The following RGS7 variants were observed in gnomAD, a reference collection of about 807,000 sequenced individuals.
The protein encoded by RGS7 is regulator of G protein signaling 7, also known as regulator of G-protein signaling 7.
RGS7 carries 27 observed loss-of-function variants against 81.1 expected under a neutral mutation model. That is an observed-to-expected ratio of 0.33 (90% CI 0.25 to 0.46). The LOEUF (loss-of-function observed/expected upper bound fraction) is 0.46. Among genes scored for constraint, RGS7 ranks in the 20% least tolerant of loss-of-function variants. The pLI, the probability that RGS7 is intolerant of heterozygous loss-of-function variation, is 1.00. For synonymous variants in RGS7, 208 were observed against 207.7 expected (o/e 1.00, Z -0.01); for missense variants, 396 against 607.4 (o/e 0.65, Z 3.66).
chr1:241,351,998 G>C (rs1176467142), intron 2 of RGS7, among the ~76,000 whole-genome samples: 1 of 152,132 alleles, frequency 6.6e-6, no homozygotes, highest in Non-Finnish European at 1.5e-5. Flanking sequence ...TCAAATGCAG[G>C]AATGTCAGCT....
chr1:240,946,538 T>C (rs546747433), intron 4 of RGS7, among the ~76,000 whole-genome samples: 2 of 152,156 alleles, frequency 1.3e-5, no homozygotes, highest in East Asian at 3.9e-4. Context: ...GCCCAGGAAT[T>C]TGAGGTTGCC....
At chr1:241,186,672 C>T (rs1573034896) in intron 2 of RGS7, among the ~76,000 whole-genome samples, 1 of 151,576 alleles carries the variant, frequency 6.6e-6, no homozygotes, top group Admixed American at 6.6e-5. Context: ...TACAGGCATG[C>T]ACCACTACAC....
At chr1:240,932,583 G>A (rs900263843) in intron 5 of RGS7, among the ~76,000 whole-genome samples, 89 of 140,218 alleles carry the variant, frequency 6.3e-4, no homozygotes, top group Non-Finnish European at 6.7e-4. Flanking sequence ...GTCTCAGCTC[G>A]CTGCAAGCTC....
At chr1:240,914,187 A>G (rs547330981) in intron 6 of RGS7, among the ~76,000 whole-genome samples, 1 of 151,996 alleles carries the variant, frequency 6.6e-6, no homozygotes, top group Non-Finnish European at 1.5e-5. Flanking sequence ...CTCATCGATT[A>G]TGATAGCTTT....
Position 240,931,697 on chromosome 1 carries a change from T to A in RGS7, c.334-929A>T, listed in dbSNP as rs184442615. 5.6e-3 allele frequency among the ~76,000 whole-genome samples: 853 copies of A among 152,278 alleles called. 10 individuals carry two copies. The highest frequency in any genetic ancestry group is 0.019 in the African/African-American group (808 of 41,542). On this transcript the variant is annotated intron_variant, in intron 5 of 18. Coordinates refer to ENST00000440928, the MANE Select transcript of RGS7 (RefSeq NM_001364886.1). Reference sequence around the variant, plus strand: ...AACTGCACAAATCAGAGATTTTTTTTAAAGGAATAGTGTCTTAATTGAGTG... The same window carrying A: ...AACTGCACAAATCAGAGATTTTTTTAAAAGGAATAGTGTCTTAATTGAGTG...
At chr1:241,277,941 T>C (rs1277782676) in intron 2 of RGS7, among the ~76,000 whole-genome samples, 1 of 152,220 alleles carries the variant, frequency 6.6e-6, no homozygotes, top group Non-Finnish European at 1.5e-5. Context: ...GTTATTTGAT[T>C]CTCTTCTTCA....
chr1:241,353,770 T>G (rs1057171197), intron 2 of RGS7, among the ~76,000 whole-genome samples: 1 of 152,130 alleles, frequency 6.6e-6, no homozygotes, highest in Non-Finnish European at 1.5e-5. Context: ...CTTCCTGAAA[T>G]CATTACAGTC....
intron 2 of RGS7, among the ~76,000 whole-genome samples, chr1:241,160,117 AAAAAAAAAAAAAAG>A (rs1314600759): frequency 7.9e-4 from 118 of 149,766 alleles, no homozygotes; most frequent in African/African-American, 2.8e-3. Flanking sequence ...TCTCAAAAAA[AAAAAAAAAAAAAAG>A]AAAAAGAAAA....
At chr1:240,975,573 T>C (rs1683947409) in intron 4 of RGS7, among the ~76,000 whole-genome samples, 1 of 152,164 alleles carries the variant, frequency 6.6e-6, no homozygotes, top group African/African-American at 2.4e-5. Flanking sequence ...AGGATGACTC[T>C]TACAGTGAGA....
At chr1:241,054,825 A>T (rs2061405694) in intron 3 of RGS7, among the ~76,000 whole-genome samples, 1 of 152,180 alleles carries the variant, frequency 6.6e-6, no homozygotes, top group South Asian at 2.1e-4. Context: ...ATAAGCCAAC[A>T]TCCTCTTTCT....
chr1:241,062,585 T>C (rs763001951), intron 3 of RGS7, among the ~76,000 whole-genome samples: 4 of 152,154 alleles, frequency 2.6e-5, no homozygotes, highest in Non-Finnish European at 5.9e-5. Flanking sequence ...CTGAAGTAGT[T>C]TTCCCCAGAC....
At chr1:240,959,034 AAAAT>A (rs1680915677) in intron 4 of RGS7, among the ~76,000 whole-genome samples, 1 of 152,254 alleles carries the variant, frequency 6.6e-6, no homozygotes, top group African/African-American at 2.4e-5. Flanking sequence ...ATTTGAACTG[AAAAT>A]AAAGTAAGAA....
chr1:240,790,342 C>G (rs541621062), intron 18 of RGS7, among the ~76,000 whole-genome samples: 32 of 152,084 alleles, frequency 2.1e-4, no homozygotes, highest in Non-Finnish European at 4.3e-4. Context: ...TTTATAGAGA[C>G]CAGATCTATT....
intron 3 of RGS7, among the ~76,000 whole-genome samples, chr1:241,060,224 T>C (rs866637054): frequency 2.0e-5 from 3 of 152,152 alleles, no homozygotes; most frequent in African/African-American, 7.2e-5. Context: ...TATTAAATAG[T>C]ATAGGTAGCA....
intron 2 of RGS7, among the ~76,000 whole-genome samples, chr1:241,172,301 A>G (rs1009390902): frequency 4.6e-5 from 7 of 152,214 alleles, no homozygotes; most frequent in African/African-American, 7.2e-5. Flanking sequence ...ATGCTTTTGG[A>G]TGAATGAACA....
At chr1:240,924,287 CT>C (rs1341012090) in intron 6 of RGS7, among the ~76,000 whole-genome samples, 1 of 152,096 alleles carries the variant, frequency 6.6e-6, no homozygotes, top group African/African-American at 2.4e-5. Flanking sequence ...TTTATTATTA[CT>C]TTAGTATGGT....
At chr1:240,946,400 C>T (rs77718802) in intron 4 of RGS7, among the ~76,000 whole-genome samples, 5,572 of 152,032 alleles carry the variant, frequency 0.037, 168 homozygotes, top group Non-Finnish European at 0.053. Context: ...ACTAGGAGTT[C>T]GAGACCAGCC....
chr1:241,116,849 T>A (rs769653923), intron 2 of RGS7, among the ~76,000 whole-genome samples: 1 of 152,222 alleles, frequency 6.6e-6, no homozygotes. Flanking sequence ...TTGTTAACTA[T>A]AGTCATCTGA....
At chr1:241,292,780 G>A (rs1474507504) in intron 2 of RGS7, among the ~76,000 whole-genome samples, 2 of 152,170 alleles carry the variant, frequency 1.3e-5, no homozygotes, top group African/African-American at 4.8e-5. Flanking sequence ...AGAGAAGGGA[G>A]AAAGGGAGGG....
Sources: allele counts gnomAD v4.1 joint callset (sites outside exome capture counted in the v4.1 genomes callset), GRCh38; gene constraint gnomAD v4.1.1; transcripts MANE v1.5; gene names NCBI Gene and HGNC (gene_info 2026-07-23, HGNC 2026-07-21).